Variants in PSMD6 observed in about 807,000 individuals in gnomAD.
PSMD6 encodes the protein proteasome 26S subunit, non-ATPase 6, also known as 26S proteasome non-ATPase regulatory subunit 6.
In PSMD6, 7 loss-of-function variants were observed where a neutral mutation model predicts 44.9. That is an observed-to-expected ratio of 0.16 (90% CI 0.09 to 0.29). PSMD6 has a LOEUF of 0.29. Ranked by LOEUF, PSMD6 falls within the 10% of genes least tolerant of loss-of-function variation. The pLI is 1.00. For synonymous variants in PSMD6, 184 were observed against 172.7 expected (o/e 1.07, Z -0.51); for missense variants, 420 against 482.6 (o/e 0.87, Z 1.21).
chr3:64,018,790 A>C (rs751146824), intron 4 of PSMD6, 28 bp downstream of exon 4: 11 of 1,542,122 alleles, frequency 7.1e-6, no homozygotes, highest in Non-Finnish European at 9.8e-6. Flanking sequence ...CAAGTCTTTA[A>C]ATTTGAGTAT....
At chr3:64,018,068 T>C (rs981439811) in intron 5 of PSMD6, among the ~76,000 whole-genome samples, 7 of 152,216 alleles carry the variant, frequency 4.6e-5, no homozygotes, top group African/African-American at 9.6e-5. Context: ...TCTTAACCCA[T>C]AGCCCTTGAA....
Position 64,010,596 on chromosome 3 carries a change from C to T in PSMD6, c.*72G>A. 9.0e-7 allele frequency: 1 copy of T among 1,109,696 alleles called. No individual in the cohort carries two copies. The highest frequency in any genetic ancestry group is 1.5e-5 in the South Asian group (1 of 68,518). 68.7% of individuals were successfully genotyped at this position (1,109,696 alleles called of 1,614,324 possible). The stretch of plus-strand genomic sequence containing the variant: ...ATTTATTTTATACAGCTGACCTGGG[C>T]ACATTGTGAAGTAAGCTATAAAAAT... On this transcript the variant is annotated 3_prime_UTR_variant, in exon 8 of 8. Transcript: ENST00000295901.
chr3:64,011,063 C>T (rs2075933978), intron 6 of PSMD6, 108 bp from the exon 7 acceptor site: 4 of 923,856 alleles, frequency 4.3e-6, no homozygotes, highest in East Asian at 2.5e-5. Flanking sequence ...TTTAGCTTCC[C>T]TTCAAGCTTG....
At chr3:64,023,899 T>C (rs2076176037), upstream of PSMD6, 1 of 1,372,434 alleles carries the variant, frequency 7.3e-7, no homozygotes. Flanking sequence ...GTAAGACAAA[T>C]GAGGCACAAA....
chr3:64,022,870 A>G, intron 1 of PSMD6: 5 of 1,519,976 alleles, frequency 3.3e-6, no homozygotes, highest in Non-Finnish European at 4.4e-6. Flanking sequence ...CACATTCACT[A>G]CAGAAGGGCC....
intron 6 of PSMD6, 179 bp from the exon 7 acceptor site, chr3:64,011,134 T>TACTAGAATAA (rs1281870324): frequency 7.8e-4 from 402 of 516,732 alleles, no homozygotes; most frequent in Non-Finnish European, 1.1e-3. Flanking sequence ...AGTCATCATC[T>TACTAGAATAA]ACTAGAATAA....
chr3:64,016,739 A>C (rs908068546), intron 5 of PSMD6: 3 of 152,196 alleles, frequency 2.0e-5, no homozygotes, highest in East Asian at 3.9e-4. Context: ...GGGAATGTCA[A>C]ATGGTGCGGG....
Position 64,023,475 on chromosome 3 carries a change from C to G in PSMD6, c.-56G>C, listed in dbSNP as rs2076167606. On this transcript the variant is annotated 5_prime_UTR_variant, in exon 1 of 8. Transcript: ENST00000295901. ...ACAACTTGGTTACGACCGGCTGCGG[C>G]AGCGGAAGCGGGAGGAGTCGGCGAA... The G allele has an allele frequency of 6.7e-7, 1 of 1,502,396 alleles. No homozygotes were observed. Among genetic ancestry groups the G allele is most frequent in the South Asian group, 1.3e-5 (1 of 79,050 alleles). 93.1% of individuals were successfully genotyped at this position (1,502,396 alleles called of 1,614,324 possible).
rs200884987 is a variant in PSMD6 at position 64,021,811 on chromosome 3, C to CA, written c.351+506dup. On this transcript the variant is annotated intron_variant, in intron 2 of 7. Coordinates refer to ENST00000295901, the MANE Select transcript of PSMD6 (RefSeq NM_014814.3). ...GGGTGGCAAGAGTGAAACTCCGTCT[C>CA]AAAAAAAAAAAAAAAATTACCAAAA... 6.2e-3 allele frequency among the ~76,000 whole-genome samples: 591 copies of CA among 95,760 alleles called. 5 individuals are homozygous for CA. Among genetic ancestry groups the CA allele is most frequent in the South Asian group, 0.015 (46 of 3,072 alleles). 62.8% of individuals were successfully genotyped at this position (95,760 alleles called of 152,430 possible).
chr3:64,010,968 C>CA lies in PSMD6; in HGVS notation c.996-14dup, dbSNP rs756324335. ...CCTGGACAGTTCCCTAATTTAGAGA[C>CA]AAAAAATAACAGAATTAGCTTTATA... On this transcript the variant is annotated splice_polypyrimidine_tract_variant and intron_variant, in intron 6 of 7. Coordinates refer to ENST00000295901, the MANE Select transcript of PSMD6 (RefSeq NM_014814.3). The CA allele has an allele frequency of 2.4e-4, 373 of 1,558,834 alleles. 2 individuals are homozygous for CA. The East Asian group carries it at 3.7e-3, about 16-fold the overall frequency.
intron 6 of PSMD6, 170 bp downstream of exon 6, chr3:64,013,269 A>C (rs1453289651): frequency 8.8e-6 from 5 of 568,524 alleles, no homozygotes; most frequent in Non-Finnish European, 1.5e-5. Flanking sequence ...TGACATGAGG[A>C]AGGCAGAGGC....
In PSMD6 at chr3:64,018,883, T is replaced by G; in HGVS notation, c.652A>C (p.Thr218Pro). The part of the protein sequence containing the change: ...FTSYELMDYK[T>P]FVTYTVYVSM... ...ACATAGACAGTATAAGTCACAAATG[T>G]TTTATAATCCATGAGTTCATAGGAT... Residue 218 changes from threonine (T) to proline (P), a missense_variant, in exon 4 of 8, where the codon ACA (threonine) becomes CCA (proline). Physicochemically the swap from Thr to Pro is conservative, Grantham distance 38. Around this residue, in one of 4 missense-constraint regions of PSMD6, gnomAD observed 216 missense variants for 227.0 expected, o/e 0.95. Transcript: ENST00000295901. The G allele has an allele frequency of 1.3e-6, 2 of 1,598,970 alleles. No individual in the cohort carries two copies. Among genetic ancestry groups the G allele is most frequent in the East Asian group, 2.2e-5 (1 of 44,786 alleles).
At chr3:64,011,166 T>C in intron 6 of PSMD6, 1 of 431,518 alleles carries the variant, frequency 2.3e-6, no homozygotes. Flanking sequence ...GAAGTTCATA[T>C]TCAGATAGAT....
intron 4 of PSMD6, 31 bp downstream of exon 4, chr3:64,018,785 CTT>C (rs1559676913): frequency 6.5e-7 from 1 of 1,537,918 alleles, no homozygotes. Flanking sequence ...AAAAACAAGT[CTT>C]TAAATTTGAG....
chr3:64,022,228 GTTAA>G, intron 2 of PSMD6, 86 bp downstream of exon 2: 1 of 1,408,678 alleles, frequency 7.1e-7, no homozygotes, highest in South Asian at 1.3e-5. Flanking sequence ...CTAAAACGAA[GTTAA>G]TTTTTTTAAT....
At chr3:64,022,111 G>A (rs527878004) in intron 2 of PSMD6, among the ~76,000 whole-genome samples, 1 of 152,316 alleles carries the variant, frequency 6.6e-6, no homozygotes, top group South Asian at 2.1e-4. Context: ...GAAGAATACA[G>A]CCCTAGCTGC....
At position 64,010,737 on chromosome 3, in the gene PSMD6, T is replaced by C. The variant is rs2075923344; in HGVS notation, c.1101A>G (p.Gln367=). ...NRPDSKNWQY[Q]ETIKKGDLLL... ...GCAGATCTCCTTTCTTGATAGTTTC[T>C]TGGTACTGCCAGTTCTTGCTATCAG... The change falls in exon 8 of 8, where the codon CAA becomes CAG. Residue 367 remains glutamine, a synonymous_variant. Coordinates refer to ENST00000295901, the MANE Select transcript of PSMD6 (RefSeq NM_014814.3). 1 of 1,610,788 alleles carries C rather than the reference T, an allele frequency of 6.2e-7. No homozygotes were observed. The highest frequency in any genetic ancestry group is 1.1e-5 in the South Asian group (1 of 90,856).
chr3:64,016,706 A>G (rs1053199072), intron 5 of PSMD6: 1 of 152,212 alleles, frequency 6.6e-6, no homozygotes, highest in Non-Finnish European at 1.5e-5. Flanking sequence ...ATGTGGGAAC[A>G]CTGGAACCCT....
In PSMD6 at chr3:64,015,632, GAAA is replaced by G. The variant is rs1288829866; in HGVS notation, c.827-2028_827-2026del. The G allele has an allele frequency of 2.6e-5, 4 of 151,884 alleles. No homozygotes were observed. The East Asian group carries it at 7.7e-4, about 29-fold the overall frequency. 9.4% of individuals were successfully genotyped at this position (151,884 alleles called of 1,614,324 possible). ...AAGATATACACGTTACTTGTGAAGA[GAAA>G]AAAAGGTACTTACAAAACAGCATAT... On this transcript the variant is annotated intron_variant, in intron 5 of 7. Transcript: ENST00000295901.
Sources: gnomAD v4.1 joint callset for allele counts (sites outside exome capture counted in the v4.1 genomes callset) on GRCh38, gnomAD v4.1.1 for gene constraint, gnomAD v4.1.1 regional missense constraint, MANE v1.5 for transcripts, NCBI Gene and HGNC (gene_info 2026-07-23, HGNC 2026-07-21) for gene names.